DAB1: variants seen among roughly 807,000 people sequenced by gnomAD.
DAB1 encodes DAB adaptor protein 1, also known as disabled homolog 1.
In DAB1, 15 loss-of-function variants were observed where a neutral mutation model predicts 64.6. The ratio of observed to expected loss-of-function variants is 0.23; its 90% confidence interval spans 0.16 to 0.36. The LOEUF (loss-of-function observed/expected upper bound fraction) is 0.36. Among genes scored for constraint, DAB1 ranks in the 10% least tolerant of loss-of-function variants. DAB1 has a pLI of 1.00. For synonymous variants in DAB1, 235 were observed against 251.9 expected (o/e 0.93, Z 0.64); for missense variants, 596 against 706.7 (o/e 0.84, Z 1.78).
intron 1 of DAB1, among the ~76,000 whole-genome samples, chr1:57,855,862 C>T (rs1653727965): frequency 6.6e-6 from 1 of 152,130 alleles, no homozygotes; most frequent in Non-Finnish European, 1.5e-5. Context: ...AGAGAACCAA[C>T]TGCAGGTTGA....
chr1:57,496,314 A>C (rs188380751), intron 7 of DAB1, among the ~76,000 whole-genome samples: 1 of 152,188 alleles, frequency 6.6e-6, no homozygotes, highest in East Asian at 1.9e-4. Flanking sequence ...CTGGATGCAA[A>C]ACTAACTCTG....
At chr1:58,428,239 G>C (rs1644839172) in intron 3 of DAB1, among the ~76,000 whole-genome samples, 1 of 152,190 alleles carries the variant, frequency 6.6e-6, no homozygotes, top group Admixed American at 6.5e-5. Flanking sequence ...ACTGGACATA[G>C]TGTGTTTCCC....
intron 7 of DAB1, among the ~76,000 whole-genome samples, chr1:57,487,715 T>C (rs1247352722): frequency 6.6e-6 from 1 of 152,216 alleles, no homozygotes; most frequent in Admixed American, 6.5e-5. Context: ...TGTTTTAGGC[T>C]ATACCATCTA....
rs749097562 is a variant in DAB1 at position 57,431,143 on chromosome 1, C to CACAAAAAA, written n.626-139978_626-139977insTTTTTTGT. On this transcript the variant is annotated intron_variant and non_coding_transcript_variant, in intron 7 of 20. Coordinates refer to the DAB1 transcript ENST00000485760. The stretch of plus-strand genomic sequence containing the variant: ...AAGAAAAAGTATTTCAGGCCAAAAA[C>CACAAAAAA]AAAAAAAAAAAAAAGAAAAACAAAA... 3.4e-3 allele frequency among the ~76,000 whole-genome samples: 330 copies of CACAAAAAA among 96,382 alleles called. 3 individuals carry two copies. Among genetic ancestry groups the CACAAAAAA allele is most frequent in the African/African-American group, 7.9e-3 (215 of 27,158 alleles). The allele number at this position is 96,382 out of a possible 152,430, so 63.2% of individuals were successfully genotyped here.
intron 7 of DAB1, among the ~76,000 whole-genome samples, chr1:57,438,680 G>T (rs1685790148): frequency 6.6e-6 from 1 of 152,170 alleles, no homozygotes; most frequent in African/African-American, 2.4e-5. Context: ...CAAAGGGATA[G>T]TAACATCCCT....
At chr1:57,865,279 C>A (rs935652030) in intron 1 of DAB1, among the ~76,000 whole-genome samples, 6 of 152,140 alleles carry the variant, frequency 3.9e-5, no homozygotes, top group African/African-American at 1.4e-4. Context: ...AAGAGAGGAG[C>A]TAGAAAAGGC....
chr1:57,290,639 G>C (rs949389338), intron 2 of DAB1, among the ~76,000 whole-genome samples: 1 of 152,040 alleles, frequency 6.6e-6, no homozygotes, highest in African/African-American at 2.4e-5. Context: ...ATCTTATCTG[G>C]AGAATAATGA....
intron 7 of DAB1, among the ~76,000 whole-genome samples, chr1:57,614,809 T>C (rs564283199): frequency 6.6e-6 from 1 of 152,050 alleles, no homozygotes; most frequent in South Asian, 2.1e-4. Context: ...ATAGTGGATA[T>C]TGTAAAAGCT....
At chr1:57,947,360 C>G (rs1645199392) in intron 5 of DAB1, among the ~76,000 whole-genome samples, 1 of 152,122 alleles carries the variant, frequency 6.6e-6, no homozygotes, top group Non-Finnish European at 1.5e-5. Context: ...TGACCACCAC[C>G]CAGCAACCTC....
chr1:58,451,987 C>T (rs1156912850), intron 3 of DAB1, among the ~76,000 whole-genome samples: 3 of 151,006 alleles, frequency 2.0e-5, no homozygotes, highest in Admixed American at 6.6e-5. Context: ...GCACGATCTC[C>T]GCTCACTGCA....
chr1:57,945,566 C>T (rs894433295), intron 5 of DAB1, among the ~76,000 whole-genome samples: 2 of 152,050 alleles, frequency 1.3e-5, no homozygotes, highest in African/African-American at 4.8e-5. Flanking sequence ...AGGCATGTGC[C>T]ACCACACTTG....
chr1:57,920,339 G>A (rs915515480), intron 5 of DAB1, among the ~76,000 whole-genome samples: 2 of 152,036 alleles, frequency 1.3e-5, no homozygotes, highest in African/African-American at 2.4e-5. Flanking sequence ...TTGAAACAGG[G>A]CCTCACTCTG....
intron 7 of DAB1, among the ~76,000 whole-genome samples, chr1:57,555,025 ATTTTTTTTTTTTTTTT>A (rs34370854): frequency 1.5e-5 from 1 of 68,448 alleles, no homozygotes; most frequent in Non-Finnish European, 2.6e-5. Flanking sequence ...CGGTATCTCT[ATTTTTTTTTTTTTTTT>A]TTTTTTTTTT....
chr1:58,040,963 C>T (rs1189612770), intron 5 of DAB1, among the ~76,000 whole-genome samples: 1 of 152,180 alleles, frequency 6.6e-6, no homozygotes, highest in African/African-American at 2.4e-5. Context: ...CCCAACCTCA[C>T]CTGTTCCAAC....
intron 5 of DAB1, among the ~76,000 whole-genome samples, chr1:58,017,769 T>C (rs568030278): frequency 6.6e-5 from 10 of 152,296 alleles, no homozygotes; most frequent in African/African-American, 2.2e-4. Context: ...GGCAGCCCTC[T>C]TCCCTACTGT....
intron 6 of DAB1, among the ~76,000 whole-genome samples, chr1:57,795,141 A>G (rs567015647): frequency 5.3e-5 from 8 of 152,364 alleles, no homozygotes; most frequent in African/African-American, 1.4e-4. Flanking sequence ...ATGAACATGA[A>G]TAATACAGAA....
intron 3 of DAB1, among the ~76,000 whole-genome samples, chr1:57,140,145 C>T (rs755052419): frequency 6.6e-6 from 1 of 152,072 alleles, no homozygotes; most frequent in Non-Finnish European, 1.5e-5. Flanking sequence ...GTTAGGGAGT[C>T]AAAAGAAGTG....
At chr1:57,788,872 T>C (rs1650458637) in intron 6 of DAB1, among the ~76,000 whole-genome samples, 1 of 152,022 alleles carries the variant, frequency 6.6e-6, no homozygotes. Flanking sequence ...GATAAAAGGG[T>C]TCATATCTAA....
chr1:58,298,564 C>T (rs1662044670), intron 4 of DAB1, among the ~76,000 whole-genome samples: 1 of 152,242 alleles, frequency 6.6e-6, no homozygotes, highest in South Asian at 2.1e-4. Context: ...GCTCTGTCAT[C>T]ACTCCCAGAC....
Sources: gnomAD v4.1 joint callset for allele counts (sites outside exome capture counted in the v4.1 genomes callset) on GRCh38, gnomAD v4.1.1 for gene constraint, MANE v1.5 for transcripts, NCBI Gene and HGNC (gene_info 2026-07-23, HGNC 2026-07-21) for gene names.